Variants in AKIRIN2 observed in about 807,000 individuals in gnomAD.
AKIRIN2 encodes akirin-2.
A neutral mutation model predicts 29.3 loss-of-function variants in AKIRIN2; 6 were observed. The ratio of observed to expected loss-of-function variants is 0.20; its 90% CI spans 0.11 to 0.40. The LOEUF is 0.40. Among genes scored for constraint, AKIRIN2 ranks in the 10% least tolerant of loss-of-function variants. The pLI is 1.00. For missense variants in AKIRIN2, 210 were observed against 276.1 expected (o/e 0.76, Z 1.70); for synonymous variants, 128 against 117.5 (o/e 1.09, Z -0.58).
At chr6:87,687,843 T>C (rs376378135) in intron 1 of AKIRIN2, among the ~76,000 whole-genome samples, 10 of 152,246 alleles carry the variant, frequency 6.6e-5, no homozygotes, top group South Asian at 6.2e-4. Context: ...GCTATCAAAA[T>C]AGAGTAATAA....
intron 1 of AKIRIN2, among the ~76,000 whole-genome samples, chr6:87,690,540 C>T (rs113091999): frequency 0.017 from 2,516 of 152,284 alleles, 41 homozygotes; most frequent in Non-Finnish European, 0.025. Context: ...CATTACATGA[C>T]ATTAACCTAT....
Position 87,682,878 on chromosome 6 carries a change from G to A in AKIRIN2, c.236-1115C>T, listed in dbSNP as rs114165949. 5.2e-3 allele frequency among the ~76,000 whole-genome samples: 792 copies of A among 152,206 alleles called. 8 individuals carry two copies. The highest frequency in any genetic ancestry group is 0.018 in the African/African-American group (766 of 41,524). ...GGTCAAGGTGGGAGGATCACTAGAG[G>A]CCAAGAGTTCGAGACCAGCCTGGGC... is the stretch of plus-strand genomic sequence containing the variant. On this transcript the variant is annotated intron_variant, in intron 1 of 4. Coordinates refer to ENST00000257787, the MANE Select transcript of AKIRIN2 (RefSeq NM_018064.4).
In AKIRIN2 at chr6:87,680,508, T is replaced by G. The variant is rs143550485; in HGVS notation, c.379+1112A>C. ...GGATGTTCTCGATATCCTGACCTCG[T>G]GATAAACCTGCCTTGGCCTCCCAAA... is the stretch of plus-strand genomic sequence containing the variant. On this transcript the variant is annotated intron_variant, in intron 2 of 4. Coordinates refer to ENST00000257787, the MANE Select transcript of AKIRIN2 (RefSeq NM_018064.4). 5.8e-3 allele frequency among the ~76,000 whole-genome samples: 888 copies of G among 151,898 alleles called. 6 individuals are homozygous for G. The highest frequency in any genetic ancestry group is 0.02 in the African/African-American group (829 of 41,446).
At chr6:87,695,854 ACT>A (rs1229528308) in intron 1 of AKIRIN2, among the ~76,000 whole-genome samples, 1 of 151,870 alleles carries the variant, frequency 6.6e-6, no homozygotes, top group Non-Finnish European at 1.5e-5. Flanking sequence ...GCTTTCTATC[ACT>A]GTCTTTCTAG....
Position 87,689,887 on chromosome 6 carries a change from G to A in AKIRIN2, c.236-8124C>T, listed in dbSNP as rs75920152. 9.4e-3 allele frequency among the ~76,000 whole-genome samples: 1,428 copies of A among 152,214 alleles called. 20 individuals carry two copies. Among genetic ancestry groups the A allele is most frequent in the African/African-American group, 0.032 (1,326 of 41,534 alleles). ...ATCATTTACACATCTGGAACTATGC[G>A]TATTTAAAGTTTCTAGCCCCTGCTT... On this transcript the variant is annotated intron_variant, in intron 1 of 4. Transcript: ENST00000257787.
chr6:87,696,483 T>G (rs1022158787), intron 1 of AKIRIN2, among the ~76,000 whole-genome samples: 1 of 151,516 alleles, frequency 6.6e-6, no homozygotes, highest in African/African-American at 2.4e-5. Flanking sequence ...GGGCAGATCA[T>G]GAGGCCAGAA....
chr6:87,680,283 A>ATTTTTTTTTTTTTTTTTTTTTTTT (rs10563070), intron 2 of AKIRIN2, among the ~76,000 whole-genome samples: 1 of 79,580 alleles, frequency 1.3e-5, no homozygotes, highest in Non-Finnish European at 2.6e-5. Context: ...ATGGTCTTTG[A>ATTTTTTTTTTTTTTTTTTTTTTTT]TTTTTTTTTT....
chr6:87,696,972 C>T (rs1771377796), intron 1 of AKIRIN2, among the ~76,000 whole-genome samples: 1 of 151,934 alleles, frequency 6.6e-6, no homozygotes, highest in Non-Finnish European at 1.5e-5. Context: ...CGCCACTGCA[C>T]TCTAGCCTAG....
Position 87,678,736 on chromosome 6 carries a change from T to C in AKIRIN2, c.380-769A>G, listed in dbSNP as rs1771067422. Among the ~76,000 whole-genome samples, 3 of 152,248 alleles carry C rather than the reference T, an allele frequency of 2.0e-5. No individual in the cohort carries two copies. The South Asian group carries it at 6.2e-4, about 32-fold the overall frequency. On this transcript the variant is annotated intron_variant, in intron 2 of 4. Coordinates refer to ENST00000257787, the MANE Select transcript of AKIRIN2 (RefSeq NM_018064.4). Reference sequence around the variant, plus strand: ...AATCATTATGCCTGTAAAAAGACACTTAGTCTTCAAAGCCATACCATTAAT... The same window carrying C: ...AATCATTATGCCTGTAAAAAGACACCTAGTCTTCAAAGCCATACCATTAAT...
intron 2 of AKIRIN2, among the ~76,000 whole-genome samples, chr6:87,681,249 G>T (rs988902985): frequency 2.6e-5 from 4 of 152,128 alleles, no homozygotes; most frequent in South Asian, 2.1e-4. Flanking sequence ...TGTTGGCCAG[G>T]CTGGTCTCAA....
rs781726254 is a variant in AKIRIN2, at chr6:87,701,982, G to C, written c.-298C>G. ...GCCTCCTCAGGCGCGGCTCCCCCGA[G>C]AGAGGCTCCGGCCGCCCCCGCCGTC... On this transcript the variant is annotated 5_prime_UTR_variant, in exon 1 of 5. Transcript: ENST00000257787. 1.5e-5 allele frequency: 6 copies of C among 402,434 alleles called. No individual in the cohort carries two copies. Among genetic ancestry groups the C allele is most frequent in the Non-Finnish European group, 2.6e-5 (6 of 228,100 alleles). 24.9% of individuals were successfully genotyped at this position (402,434 alleles called of 1,614,324 possible).
chr6:87,696,212 C>T (rs894829138), intron 1 of AKIRIN2, among the ~76,000 whole-genome samples: 1 of 151,926 alleles, frequency 6.6e-6, no homozygotes, highest in Non-Finnish European at 1.5e-5. Context: ...TTAGTATGTA[C>T]TACATTCTTT....
Position 87,701,753 on chromosome 6 carries a change from G to A in AKIRIN2, c.-69C>T, listed in dbSNP as rs1162962162. 4 of 1,160,192 alleles carry A rather than the reference G, an allele frequency of 3.4e-6. No individual in the cohort carries two copies. The highest frequency in any genetic ancestry group is 1.9e-5 in the South Asian group (1 of 53,780). The allele number at this position is 1,160,192 out of a possible 1,614,324, so 71.9% of individuals were successfully genotyped here. A position where few individuals can be genotyped will look rare whatever the true frequency, so the allele number is the denominator to read the frequency against. On this transcript the variant is annotated 5_prime_UTR_variant, in exon 1 of 5. Coordinates refer to ENST00000257787, the MANE Select transcript of AKIRIN2 (RefSeq NM_018064.4). ...CGGGTGACGAAAGAAGAGGGTGAGGGAAGGGGTGAAGAGCGGGAACTCGAG... is the reference window on the plus strand; with the variant it reads ...CGGGTGACGAAAGAAGAGGGTGAGGAAAGGGGTGAAGAGCGGGAACTCGAG...
chr6:87,676,482 C>A lies in AKIRIN2; in HGVS notation c.530-551G>T, dbSNP rs1261653518. Among the ~76,000 whole-genome samples the A allele has an allele frequency of 3.4e-5, 4 of 116,834 alleles. 1 individual carries two copies. The South Asian group carries it at 1.1e-3, about 33-fold the overall frequency. 76.6% of individuals were successfully genotyped at this position (116,834 alleles called of 152,430 possible). A position where few individuals can be genotyped will look rare whatever the true frequency, so the allele number is the denominator to read the frequency against. On this transcript the variant is annotated intron_variant, in intron 3 of 4. Transcript: ENST00000257787. ...AAAAAAAAAAAAAAACGAGGCCGGGCGCGGTGGCTCACAGCTGTAATCCCA... is the reference window on the plus strand; with the variant it reads ...AAAAAAAAAAAAAAACGAGGCCGGGAGCGGTGGCTCACAGCTGTAATCCCA...
At chr6:87,677,712 A>C in intron 3 of AKIRIN2, 106 bp downstream of exon 3, 2 of 1,324,374 alleles carry the variant, frequency 1.5e-6, no homozygotes, top group Non-Finnish European at 2.1e-6. Context: ...TCTCATTCTC[A>C]GAGAATATAC....
rs560441115 is a variant in AKIRIN2 at position 87,685,074 on chromosome 6, T to C, written c.236-3311A>G. Among the ~76,000 whole-genome samples the C allele has an allele frequency of 6.6e-5, 10 of 152,348 alleles. No individual in the cohort carries two copies. The South Asian group carries it at 1.9e-3, about 28-fold the overall frequency. On this transcript the variant is annotated intron_variant, in intron 1 of 4. Coordinates refer to ENST00000257787, the MANE Select transcript of AKIRIN2 (RefSeq NM_018064.4). ...AAGAGCTGAAGAATTTTTAATACTA[T>C]TGCCTGCATTGCTTTTTACATCTAA...
intron 2 of AKIRIN2, among the ~76,000 whole-genome samples, chr6:87,678,999 G>A (rs1029009401): frequency 1.3e-5 from 2 of 152,064 alleles, no homozygotes; most frequent in African/African-American, 4.8e-5. Flanking sequence ...GCCAGGCGTG[G>A]TGGCACATGC....
chr6:87,676,528 G>A (rs562213758), intron 3 of AKIRIN2, among the ~76,000 whole-genome samples: 8 of 150,312 alleles, frequency 5.3e-5, no homozygotes, highest in African/African-American at 1.5e-4. Context: ...ACGCCGAGGC[G>A]GGCACATCAT....
chr6:87,675,633 G>C (rs1345984074), intron 4 of AKIRIN2, 26 bp from the exon 5 acceptor site: 3 of 1,612,882 alleles, frequency 1.9e-6, no homozygotes, highest in Non-Finnish European at 2.5e-6. Flanking sequence ...AAGAAAATTA[G>C]TGCAAAATAC....
Sources: gnomAD v4.1 joint callset for allele counts (sites outside exome capture counted in the v4.1 genomes callset) on GRCh38, gnomAD v4.1.1 for gene constraint, MANE v1.5 for transcripts, NCBI Gene and HGNC (gene_info 2026-07-23, HGNC 2026-07-21) for gene names.